The following SH3GL2 variants were observed in gnomAD, a reference collection of about 807,000 sequenced individuals.
The protein encoded by SH3GL2 is SH3 domain containing GRB2 like 2, endophilin A1.
In SH3GL2, 24 loss-of-function variants were observed where a neutral mutation model predicts 46.0. The observed-to-expected ratio is 0.52, with a 90% CI of 0.38 to 0.73. SH3GL2 has a LOEUF of 0.73. Among genes scored for constraint, SH3GL2 ranks in the 30% least tolerant of loss-of-function variants. SH3GL2 has a pLI of 0.00. For missense variants in SH3GL2, 413 were observed against 424.2 expected, an observed-to-expected ratio of 0.97 and a Z score of 0.23; for synonymous variants, 196 against 147.1, an observed-to-expected ratio of 1.33 and a Z score of -2.40.
At chr9:17,773,436 G>A (rs1185454544) in intron 3 of SH3GL2, among the ~76,000 whole-genome samples, 1 of 152,108 alleles carries the variant, frequency 6.6e-6, no homozygotes, top group Non-Finnish European at 1.5e-5. Context: ...GAGTTCTAGA[G>A]TTTTAGATCT....
At chr9:17,599,296 TGAA>T (rs1818627538) in intron 1 of SH3GL2, among the ~76,000 whole-genome samples, 1 of 152,192 alleles carries the variant, frequency 6.6e-6, no homozygotes, top group African/African-American at 2.4e-5. Flanking sequence ...CTTGTAAAAA[TGAA>T]GAACTGCTGA....
chr9:17,631,875 C>T (rs1025762268), intron 1 of SH3GL2, among the ~76,000 whole-genome samples: 2 of 152,100 alleles, frequency 1.3e-5, no homozygotes, highest in African/African-American at 2.4e-5. Flanking sequence ...CTGATGTTTA[C>T]TTTTTGAAAT....
intron 1 of SH3GL2, among the ~76,000 whole-genome samples, chr9:17,651,919 G>T (rs545816421): frequency 2.0e-5 from 3 of 152,148 alleles, no homozygotes; most frequent in African/African-American, 7.2e-5. Flanking sequence ...GTGAGTCGGG[G>T]ATCTTTGCCA....
In SH3GL2 at chr9:17,779,456, A is replaced by G. The variant is rs929011667; in HGVS notation, c.188-6925A>G. Among the ~76,000 whole-genome samples the G allele has an allele frequency of 2.6e-5, 4 of 152,114 alleles. 1 individual carries two copies. In the South Asian group the frequency reaches 8.3e-4, roughly 31 times the overall value. On this transcript the variant is annotated intron_variant, in intron 3 of 8. Transcript: ENST00000380607. The stretch of plus-strand genomic sequence containing the variant: ...TGTTAGTAACTATGAGAGCTCGGAT[A>G]GGCTTTCCAGGCTCTCTGAGGTTCC...
chr9:17,612,569 A>C (rs182356581), intron 1 of SH3GL2, among the ~76,000 whole-genome samples: 15 of 152,284 alleles, frequency 9.9e-5, no homozygotes, highest in South Asian at 2.1e-4. Context: ...GAAGGGGTGC[A>C]TGTGTGTATG....
Position 17,787,462 on chromosome 9 carries a change from C to G in SH3GL2, c.414C>G (p.Asn138Lys). The G allele has an allele frequency of 1.9e-6, 3 of 1,612,692 alleles. No homozygotes were observed. Among genetic ancestry groups the G allele is most frequent in the Non-Finnish European group, 1.7e-6 (2 of 1,178,828 alleles). Reference protein sequence around the residue: ...KDSLDIEVKQNFIDPLQNLHD... With the variant: ...KDSLDIEVKQKFIDPLQNLHD... ...CTTTGGACATAGAAGTGAAGCAGAA[C>G]TTCATTGACCCTCTTCAGAATCTTC... Residue 138 changes from asparagine (N) to lysine (K), a missense_variant, in exon 5 of 9, where the codon AAC becomes AAG. Asn to Lys is a moderately conservative substitution (Grantham distance 94). Transcript: ENST00000380607.
At chr9:17,682,486 G>C (rs754228056) in intron 1 of SH3GL2, among the ~76,000 whole-genome samples, 5 of 151,862 alleles carry the variant, frequency 3.3e-5, no homozygotes, top group Admixed American at 6.6e-5. Context: ...ACGTGTTCTG[G>C]TAAGTGCGAG....
intron 1 of SH3GL2, among the ~76,000 whole-genome samples, chr9:17,591,792 C>G (rs1818486181): frequency 6.6e-6 from 1 of 152,170 alleles, no homozygotes; most frequent in South Asian, 2.1e-4. Context: ...AAAACTGTGT[C>G]TACTGGTTGC....
chr9:17,592,906 G>C (rs1818510576), intron 1 of SH3GL2, among the ~76,000 whole-genome samples: 1 of 152,130 alleles, frequency 6.6e-6, no homozygotes, highest in Non-Finnish European at 1.5e-5. Context: ...CCTTAGAGGG[G>C]AAAGGGGGTG....
intron 1 of SH3GL2, among the ~76,000 whole-genome samples, chr9:17,713,947 AT>A (rs1341697090): frequency 6.6e-6 from 1 of 151,692 alleles, no homozygotes; most frequent in East Asian, 1.9e-4. Context: ...TTTTCTGTCC[AT>A]TTGTTTTAAT....
At chr9:17,580,766 C>G (rs1294238250) in intron 1 of SH3GL2, among the ~76,000 whole-genome samples, 3 of 152,158 alleles carry the variant, frequency 2.0e-5, no homozygotes, top group South Asian at 2.1e-4. Flanking sequence ...TGTGGCAGGA[C>G]TTCTTCGATA....
At chr9:17,751,479 C>CGTGTGTGTGTGTGT (rs58212352) in intron 2 of SH3GL2, among the ~76,000 whole-genome samples, 2,786 of 146,426 alleles carry the variant, frequency 0.019, 92 homozygotes, top group African/African-American at 0.068. Context: ...TTTGTGTGTG[C>CGTGTGTGTGTGTGT]GTGTGTGTGT....
chr9:17,793,531 C>T, intron 8 of SH3GL2, 34 bp downstream of exon 8: 1 of 1,602,446 alleles, frequency 6.2e-7, no homozygotes, highest in Non-Finnish European at 8.5e-7. Flanking sequence ...TATTGCATAG[C>T]CCTTGGCATA....
At chr9:17,756,412 G>A (rs1370138439) in intron 2 of SH3GL2, among the ~76,000 whole-genome samples, 2 of 151,302 alleles carry the variant, frequency 1.3e-5, no homozygotes, top group Non-Finnish European at 2.9e-5. Flanking sequence ...TGCCATGTTG[G>A]TGTGCTGCAC....
intron 1 of SH3GL2, among the ~76,000 whole-genome samples, chr9:17,618,331 C>G (rs1819054010): frequency 6.6e-6 from 1 of 152,168 alleles, no homozygotes. Flanking sequence ...ATATACCCTT[C>G]TCTAATGGGA....
At chr9:17,764,774 T>A (rs1400252601) in intron 3 of SH3GL2, among the ~76,000 whole-genome samples, 1 of 33,690 alleles carries the variant, frequency 3.0e-5, no homozygotes, top group Non-Finnish European at 7.0e-5. Flanking sequence ...TGTATTAGAT[T>A]ACTGCTCCCG....
intron 1 of SH3GL2, among the ~76,000 whole-genome samples, chr9:17,698,866 T>G (rs897824947): frequency 2.6e-5 from 4 of 152,022 alleles, no homozygotes; most frequent in African/African-American, 9.7e-5. Flanking sequence ...TATTAAAAAA[T>G]CAAATACAGG....
intron 2 of SH3GL2, among the ~76,000 whole-genome samples, chr9:17,758,561 CA>C (rs57019804): frequency 0.016 from 469 of 28,950 alleles, no homozygotes; most frequent in South Asian, 0.035. Context: ...GACCCTGTCT[CA>C]AAAAAAAAAA....
At chr9:17,728,595 T>G (rs1159427408) in intron 1 of SH3GL2, among the ~76,000 whole-genome samples, 3 of 152,146 alleles carry the variant, frequency 2.0e-5, no homozygotes, top group Admixed American at 6.5e-5. Context: ...TCATCTACAT[T>G]AGGTATTTCT....
Sources: gnomAD v4.1 joint callset for allele counts (sites outside exome capture counted in the v4.1 genomes callset) on GRCh38, gnomAD v4.1.1 for gene constraint, MANE v1.5 for transcripts, NCBI Gene and HGNC (gene_info 2026-07-23, HGNC 2026-07-21) for gene names.